The following PAK5 variants were observed in gnomAD, a reference collection of about 807,000 sequenced individuals.
PAK5 encodes serine/threonine-protein kinase PAK 5.
In PAK5, 16 loss-of-function variants were observed where a neutral mutation model predicts 65.9. The ratio of observed to expected loss-of-function variants is 0.24; its 90% CI spans 0.16 to 0.37. The LOEUF (loss-of-function observed/expected upper bound fraction) is 0.37. Ranked by LOEUF, PAK5 falls within the 10% of genes least tolerant of loss-of-function variation. PAK5 has a pLI of 1.00. For missense variants in PAK5, 785 were observed against 903.9 expected (o/e 0.87, Z 1.69); for synonymous variants, 371 against 354.9 (o/e 1.05, Z -0.51).
At chr20:9,584,848 T>C (rs1411593443) in intron 3 of PAK5, among the ~76,000 whole-genome samples, 1 of 152,232 alleles carries the variant, frequency 6.6e-6, no homozygotes, top group African/African-American at 2.4e-5. Flanking sequence ...TTATGAACAA[T>C]AGGCAGGTTA....
chr20:9,583,482 C>T (rs998690435), intron 3 of PAK5, among the ~76,000 whole-genome samples: 1 of 152,202 alleles, frequency 6.6e-6, no homozygotes, highest in Non-Finnish European at 1.5e-5. Flanking sequence ...GCATTCAAAG[C>T]ACTGTTTCCA....
At chr20:9,745,954 C>T (rs574100108) in intron 1 of PAK5, among the ~76,000 whole-genome samples, 2 of 151,964 alleles carry the variant, frequency 1.3e-5, no homozygotes, top group South Asian at 4.2e-4. Flanking sequence ...GCTTTTTCTC[C>T]CCTAAAAATC....
intron 1 of PAK5, among the ~76,000 whole-genome samples, chr20:9,777,645 A>G (rs2048900418): frequency 6.6e-6 from 1 of 152,234 alleles, no homozygotes; most frequent in Non-Finnish European, 1.5e-5. Flanking sequence ...ATCAAGGACC[A>G]ATTAGAGTAA....
chr20:9,824,384 C>T (rs8124762), intron 1 of PAK5, among the ~76,000 whole-genome samples: 41,215 of 151,888 alleles, frequency 0.27, 6,748 homozygotes, highest in African/African-American at 0.46. Context: ...TGAGGCCCTG[C>T]CTCTTAAAAA....
In PAK5 at chr20:9,617,708, ACCACG is replaced by A. The variant is rs543463223; in HGVS notation, c.204+26412_204+26416del. On this transcript the variant is annotated intron_variant, in intron 3 of 9. Transcript: ENST00000353224. ...GTAGCTGGGACTACAGGCGCCCACCACCACGGCCGGCTGATTTTTTGTATTTTTAG... is the reference window on the plus strand; with the variant it reads ...GTAGCTGGGACTACAGGCGCCCACCAGCCGGCTGATTTTTTGTATTTTTAG... Among the ~76,000 whole-genome samples, 815 of 151,840 alleles carry A rather than the reference ACCACG, an allele frequency of 5.4e-3. 7 individuals carry two copies. The highest frequency in any genetic ancestry group is 0.019 in the African/African-American group (773 of 41,372).
chr20:9,675,655 T>C (rs2047560285), intron 2 of PAK5, among the ~76,000 whole-genome samples: 1 of 152,174 alleles, frequency 6.6e-6, no homozygotes, highest in South Asian at 2.1e-4. Context: ...AATTAATAAT[T>C]AATTGTTCCA....
At position 9,580,499 on chromosome 20, in the gene PAK5, G is replaced by A. The variant is rs776080281; in HGVS notation, c.636C>T (p.Tyr212=). ...TCTGATACTCCCACTTGAGGTCACT[G>A]TATTCACTTGGTTTGCTCAGTGAGT... The part of the protein sequence containing the change: ...HLDSLSKPSE[Y]SDLKWEYQRA... Residue 212 remains tyrosine, a synonymous_variant, in exon 4 of 10, where the codon TAC becomes TAT. Transcript: ENST00000353224. 10 of 1,613,960 alleles carry A rather than the reference G, an allele frequency of 6.2e-6. No individual in the cohort carries two copies. Among genetic ancestry groups the A allele is most frequent in the African/African-American group, 1.3e-5 (1 of 74,904 alleles).
intron 7 of PAK5, among the ~76,000 whole-genome samples, chr20:9,553,770 A>C (rs970767768): frequency 6.6e-6 from 1 of 152,204 alleles, no homozygotes; most frequent in Non-Finnish European, 1.5e-5. Flanking sequence ...ACATTTAGGT[A>C]GTTTCCACTT....
chr20:9,757,194 T>A (rs767859491), intron 1 of PAK5, among the ~76,000 whole-genome samples: 14 of 151,634 alleles, frequency 9.2e-5, no homozygotes, highest in Non-Finnish European at 1.5e-4. Context: ...TTTCTCAGGG[T>A]CTACTTGTGG....
rs775515103 is a variant in PAK5 at position 9,729,875 on chromosome 20, G to T, written c.-161-18440C>A. Among the ~76,000 whole-genome samples the T allele has an allele frequency of 6.8e-4, 103 of 151,834 alleles. 1 individual carries two copies. Among genetic ancestry groups the T allele is most frequent in the African/African-American group, 2.3e-3 (96 of 41,418 alleles). On this transcript the variant is annotated intron_variant, in intron 1 of 9. Coordinates refer to ENST00000353224, the MANE Select transcript of PAK5 (RefSeq NM_177990.4). ...TACAAAAATACCACCAGCCAGGTGT[G>T]GTGATGTGTGCCTGTAGTCCCAGCT... is the stretch of plus-strand genomic sequence containing the variant.
At chr20:9,610,010 T>C (rs1052515870) in intron 3 of PAK5, among the ~76,000 whole-genome samples, 6 of 151,786 alleles carry the variant, frequency 4.0e-5, no homozygotes, top group Admixed American at 1.3e-4. Context: ...TTGTTTTAAA[T>C]AAGACACAGC....
At chr20:9,754,010 C>T (rs2048605145) in intron 1 of PAK5, among the ~76,000 whole-genome samples, 1 of 152,138 alleles carries the variant, frequency 6.6e-6, no homozygotes, top group African/African-American at 2.4e-5. Flanking sequence ...CTCAGGTCTG[C>T]ATCCAAGGGC....
At chr20:9,755,178 T>A (rs1214005875) in intron 1 of PAK5, among the ~76,000 whole-genome samples, 1 of 152,200 alleles carries the variant, frequency 6.6e-6, no homozygotes. Context: ...GGCAGTTAAA[T>A]CCTACTGAAA....
chr20:9,704,884 T>TGA (rs2047986482), intron 2 of PAK5, among the ~76,000 whole-genome samples: 1 of 152,036 alleles, frequency 6.6e-6, no homozygotes, highest in Non-Finnish European at 1.5e-5. Flanking sequence ...GTATAGGCCT[T>TGA]GAGAGAGAGA....
At chr20:9,719,312 A>G (rs2048187208) in intron 1 of PAK5, among the ~76,000 whole-genome samples, 1 of 152,180 alleles carries the variant, frequency 6.6e-6, no homozygotes, top group Admixed American at 6.5e-5. Flanking sequence ...AGCATACAGA[A>G]CAATATTCTG....
At chr20:9,785,100 C>A (rs1400721689) in intron 1 of PAK5, among the ~76,000 whole-genome samples, 2 of 151,770 alleles carry the variant, frequency 1.3e-5, no homozygotes, top group Admixed American at 6.6e-5. Context: ...CAAGTTAAAA[C>A]TTTAATCAAA....
At chr20:9,810,807 A>G (rs2049289749) in intron 1 of PAK5, among the ~76,000 whole-genome samples, 1 of 152,226 alleles carries the variant, frequency 6.6e-6, no homozygotes, top group Admixed American at 6.6e-5. Flanking sequence ...TGAATAAAAG[A>G]CTTGCAAAGT....
chr20:9,681,378 C>T (rs1477288156), intron 2 of PAK5, among the ~76,000 whole-genome samples: 1 of 152,088 alleles, frequency 6.6e-6, no homozygotes, highest in Non-Finnish European at 1.5e-5. Flanking sequence ...TTAGTCCCTT[C>T]ATATTTAATG....
chr20:9,607,079 C>A (rs752896264), intron 3 of PAK5, among the ~76,000 whole-genome samples: 2 of 152,184 alleles, frequency 1.3e-5, no homozygotes, highest in Non-Finnish European at 2.9e-5. Context: ...TTCCTCCTCC[C>A]ATACCTTCTA....
Sources: gnomAD v4.1 joint callset for allele counts (sites outside exome capture counted in the v4.1 genomes callset) on GRCh38, gnomAD v4.1.1 for gene constraint, MANE v1.5 for transcripts, NCBI Gene and HGNC (gene_info 2026-07-23, HGNC 2026-07-21) for gene names.